Variants in PRKN observed in about 807,000 individuals in gnomAD.
The protein encoded by PRKN is parkin RBR E3 ubiquitin protein ligase.
In PRKN, 56 loss-of-function variants were observed where a neutral mutation model predicts 59.5. That is an observed-to-expected ratio of 0.94 (90% CI 0.76 to 1.18). The LOEUF is 1.18. PRKN is among the 50% of genes most tolerant of loss of function. PRKN has a pLI of 0.00. For missense variants in PRKN, 657 were observed against 596.4 expected, an observed-to-expected ratio of 1.10 and a Z score of -1.06; for synonymous variants, 250 against 222.1, an observed-to-expected ratio of 1.13 and a Z score of -1.12.
chr6:162,196,115 T>G (rs1429331250), intron 4 of PRKN, among the ~76,000 whole-genome samples: 1 of 152,080 alleles, frequency 6.6e-6, no homozygotes, highest in African/African-American at 2.4e-5. Flanking sequence ...GCCAAGACAA[T>G]GATAGTAGCA....
chr6:161,619,240 T>TAAAA lies in PRKN; in HGVS notation c.872-49828_872-49825dup, dbSNP rs67512352. ...AAGCCTTTACAAAAACTGTCTTCAT[T>TAAAA]AAAAAAAAAAAAAAAAAAAGAGTGA... On this transcript the variant is annotated intron_variant, in intron 7 of 11. Transcript: ENST00000366898. 5.0e-5 allele frequency among the ~76,000 whole-genome samples: 5 copies of TAAAA among 99,532 alleles called. No homozygotes were observed. In the East Asian group the frequency reaches 1.1e-3, roughly 22 times the overall value. The allele number at this position is 99,532 out of a possible 152,430, so 65.3% of individuals were successfully genotyped here.
chr6:162,147,482 G>C (rs1046840240), intron 4 of PRKN, among the ~76,000 whole-genome samples: 5 of 151,874 alleles, frequency 3.3e-5, no homozygotes, highest in Non-Finnish European at 7.4e-5. Context: ...CATGACATCT[G>C]ACACAGGAAA....
At chr6:161,394,129 T>C (rs1786640215) in intron 9 of PRKN, among the ~76,000 whole-genome samples, 1 of 152,190 alleles carries the variant, frequency 6.6e-6, no homozygotes, top group African/African-American at 2.4e-5. Flanking sequence ...AGAACGGAGA[T>C]GGTGTTAGAT....
intron 10 of PRKN, among the ~76,000 whole-genome samples, chr6:161,370,138 A>G (rs1785380732): frequency 6.6e-6 from 1 of 152,224 alleles, no homozygotes; most frequent in Admixed American, 6.5e-5. Flanking sequence ...AATCTCCTTT[A>G]AAAACACAAG....
intron 1 of PRKN, among the ~76,000 whole-genome samples, chr6:162,554,595 G>A (rs1470157612): frequency 3.9e-5 from 6 of 152,020 alleles, no homozygotes; most frequent in Non-Finnish European, 7.4e-5. Context: ...GTGAGGTGGC[G>A]GGGGGCAGGA....
chr6:161,722,210 A>G (rs1347296739), intron 7 of PRKN, among the ~76,000 whole-genome samples: 6 of 151,664 alleles, frequency 4.0e-5, no homozygotes, highest in Non-Finnish European at 7.4e-5. Context: ...ATTCGGGGGG[A>G]AAAGCAGGAA....
intron 1 of PRKN, among the ~76,000 whole-genome samples, chr6:162,458,108 G>C (rs13192790): frequency 1.3e-5 from 2 of 151,502 alleles, no homozygotes; most frequent in African/African-American, 2.4e-5. Flanking sequence ...ACAAAAATTA[G>C]CCAGGCGTGG....
intron 1 of PRKN, among the ~76,000 whole-genome samples, chr6:162,449,067 A>C (rs1790463051): frequency 6.6e-6 from 1 of 151,884 alleles, no homozygotes; most frequent in Admixed American, 6.6e-5. Context: ...TTGTATTTTT[A>C]GTAGAGAAGG....
intron 1 of PRKN, among the ~76,000 whole-genome samples, chr6:162,452,693 T>C (rs1014323708): frequency 2.0e-5 from 3 of 151,028 alleles, no homozygotes; most frequent in African/African-American, 7.3e-5. Context: ...GGAAGAAAAA[T>C]AGAGAGGTAG....
intron 2 of PRKN, among the ~76,000 whole-genome samples, chr6:162,375,747 AC>A (rs1562712412): frequency 4.0e-5 from 6 of 151,562 alleles, no homozygotes; most frequent in Non-Finnish European, 7.4e-5. Context: ...CTTTGTACAC[AC>A]ACACACACAC....
intron 5 of PRKN, among the ~76,000 whole-genome samples, chr6:162,034,862 T>C (rs1221572508): frequency 6.6e-6 from 1 of 152,216 alleles, no homozygotes; most frequent in Non-Finnish European, 1.5e-5. Context: ...AAATTGCTGG[T>C]CCATGAGGAA....
At chr6:162,010,311 A>T (rs1422886680) in intron 5 of PRKN, among the ~76,000 whole-genome samples, 1 of 122,498 alleles carries the variant, frequency 8.2e-6, no homozygotes, top group African/African-American at 3.2e-5. Flanking sequence ...TATTATATAT[A>T]TTTTATATAT....
At chr6:161,666,873 G>T (rs1784745077) in intron 7 of PRKN, among the ~76,000 whole-genome samples, 1 of 152,110 alleles carries the variant, frequency 6.6e-6, no homozygotes, top group Non-Finnish European at 1.5e-5. Flanking sequence ...AGCAGAAGAT[G>T]CCTTACACTC....
At chr6:162,069,662 A>G (rs1778491607) in intron 4 of PRKN, among the ~76,000 whole-genome samples, 1 of 152,212 alleles carries the variant, frequency 6.6e-6, no homozygotes, top group African/African-American at 2.4e-5. Flanking sequence ...TTCTGCAGAA[A>G]GAAATAGAAG....
chr6:161,713,100 A>C (rs942673033), intron 7 of PRKN, among the ~76,000 whole-genome samples: 2 of 152,192 alleles, frequency 1.3e-5, no homozygotes, highest in Admixed American at 1.3e-4. Flanking sequence ...GGGTAAGATT[A>C]ATTTGCTGGA....
chr6:161,925,423 T>G (rs941424989), intron 6 of PRKN, among the ~76,000 whole-genome samples: 8 of 151,934 alleles, frequency 5.3e-5, no homozygotes, highest in African/African-American at 1.7e-4. Context: ...TACAAAAGAT[T>G]AGCCGGGTGT....
intron 6 of PRKN, among the ~76,000 whole-genome samples, chr6:161,830,912 A>G (rs1487004599): frequency 6.6e-6 from 1 of 152,174 alleles, no homozygotes; most frequent in Non-Finnish European, 1.5e-5. Context: ...GGAGAGGAAG[A>G]TGGCCAAAAG....
chr6:161,902,777 A>G (rs992395127), intron 6 of PRKN, among the ~76,000 whole-genome samples: 1 of 151,960 alleles, frequency 6.6e-6, no homozygotes, highest in African/African-American at 2.4e-5. Flanking sequence ...GGCTGGTCTC[A>G]AACTCCTGTC....
At chr6:161,922,553 G>C (rs769517366) in intron 6 of PRKN, among the ~76,000 whole-genome samples, 1 of 152,104 alleles carries the variant, frequency 6.6e-6, no homozygotes, top group African/African-American at 2.4e-5. Context: ...AATTACCTAG[G>C]TGCTGAACCA....
Sources: gnomAD v4.1 joint callset for allele counts (sites outside exome capture counted in the v4.1 genomes callset) on GRCh38, gnomAD v4.1.1 for gene constraint, MANE v1.5 for transcripts, NCBI Gene and HGNC (gene_info 2026-07-23, HGNC 2026-07-21) for gene names.